Variants in ATP5MJ observed in about 807,000 individuals in gnomAD.
ATP5MJ encodes ATP synthase F(0) complex subunit j, mitochondrial.
A neutral mutation model predicts 8.3 loss-of-function variants in ATP5MJ; 4 were observed. The ratio of observed to expected loss-of-function variants is 0.48; its 90% CI spans 0.24 to 1.11. The LOEUF is 1.11. Among genes scored for constraint, ATP5MJ ranks in the 50% least tolerant of loss-of-function variants. ATP5MJ has a pLI of 0.18. For missense variants in ATP5MJ, 66 were observed against 71.8 expected, an observed-to-expected ratio of 0.92 and a Z score of 0.29; for synonymous variants, 23 against 21.3, an observed-to-expected ratio of 1.08 and a Z score of -0.23.
chr14:103,914,837 C>CAAAAAGGAAA (rs370479683), intron 2 of ATP5MJ: 10 of 191,090 alleles, frequency 5.2e-5, no homozygotes, highest in Middle Eastern at 1.5e-3. Context: ...AGACTGTCTC[C>CAAAAAGGAAA]AAAAAAAAAA....
chr14:103,914,445 AT>A (rs2087606635), intron 2 of ATP5MJ: 1 of 589,206 alleles, frequency 1.7e-6, no homozygotes, highest in African/African-American at 1.9e-5. Context: ...CTTAAAACGA[AT>A]GTAATACCAC....
At position 103,912,485 on chromosome 14, in the gene ATP5MJ, G is replaced by A; in HGVS notation, c.*181C>T. 2 of 673,220 alleles carry A rather than the reference G, an allele frequency of 3.0e-6. No homozygotes were observed. Among genetic ancestry groups the A allele is most frequent in the South Asian group, 1.9e-5 (1 of 52,366 alleles). The allele number at this position is 673,220 out of a possible 1,614,324, so 41.7% of individuals were successfully genotyped here. The stretch of plus-strand genomic sequence containing the variant: ...CCTGACACGCCGGAGGGGCTGAGGG[G>A]GAACACACTGAAAGCAGTACCAGGT... On this transcript the variant is annotated 3_prime_UTR_variant, in exon 4 of 4. Transcript: ENST00000286953.
intron 1 of ATP5MJ, among the ~76,000 whole-genome samples, chr14:103,920,379 G>T (rs998898083): frequency 8.6e-5 from 13 of 150,412 alleles, no homozygotes; most frequent in African/African-American, 3.2e-4. Flanking sequence ...TGATCCGCCC[G>T]CCTCGGCCTC....
chr14:103,920,662 G>A (rs2087669537), intron 1 of ATP5MJ, among the ~76,000 whole-genome samples: 2 of 149,398 alleles, frequency 1.3e-5, no homozygotes, highest in South Asian at 4.2e-4. Flanking sequence ...AGTAGAGACG[G>A]CGTTTCACCA....
intron 1 of ATP5MJ, among the ~76,000 whole-genome samples, chr14:103,917,340 G>A (rs561658438): frequency 6.6e-6 from 1 of 152,262 alleles, no homozygotes; most frequent in South Asian, 2.1e-4. Flanking sequence ...TTAAATGCTT[G>A]TTACATAAAA....
intron 3 of ATP5MJ, chr14:103,913,579 C>G (rs898286726): frequency 6.2e-6 from 2 of 324,580 alleles, no homozygotes; most frequent in Non-Finnish European, 5.5e-6. Context: ...GCACTGCAGT[C>G]CAGCCTGGGC....
chr14:103,920,121 G>C (rs550402094), intron 1 of ATP5MJ, among the ~76,000 whole-genome samples: 1 of 120,258 alleles, frequency 8.3e-6, no homozygotes, highest in South Asian at 2.7e-4. Context: ...CACCGCGTCC[G>C]GCCCCTACTT....
intron 1 of ATP5MJ, among the ~76,000 whole-genome samples, chr14:103,917,345 A>G (rs2087633377): frequency 6.6e-6 from 1 of 152,166 alleles, no homozygotes; most frequent in African/African-American, 2.4e-5. Context: ...TGCTTGTTAC[A>G]TAAAATACCA....
intron 2 of ATP5MJ, chr14:103,914,852 A>G (rs2087611646): frequency 1.3e-5 from 6 of 459,968 alleles, no homozygotes; most frequent in East Asian, 4.3e-5. Context: ...AAAAAAAAAA[A>G]AAAAAGAAAA....
At chr14:103,918,606 C>T (rs113241471) in intron 1 of ATP5MJ, among the ~76,000 whole-genome samples, 4,495 of 151,984 alleles carry the variant, frequency 0.03, 91 homozygotes, top group East Asian at 0.063. Context: ...GTGTTCTGCC[C>T]GCCTCGGCCT....
intron 1 of ATP5MJ, among the ~76,000 whole-genome samples, chr14:103,916,263 T>C (rs2087624940): frequency 6.6e-6 from 1 of 152,248 alleles, no homozygotes; most frequent in Non-Finnish European, 1.5e-5. Flanking sequence ...TGCTTGTATG[T>C]GCAGGTCTCA....
chr14:103,917,033 A>G (rs2087631290), intron 1 of ATP5MJ, among the ~76,000 whole-genome samples: 1 of 152,208 alleles, frequency 6.6e-6, no homozygotes, highest in African/African-American at 2.4e-5. Context: ...CTGAGCATGT[A>G]CTAGGTGCCA....
chr14:103,913,719 T>A, intron 3 of ATP5MJ: 1 of 579,222 alleles, frequency 1.7e-6, no homozygotes, highest in Non-Finnish European at 3.0e-6. Context: ...CTACCTCTAA[T>A]TAATCCATTC....
rs1455992201 is a variant in ATP5MJ at position 103,912,335 on chromosome 14, C to G, written c.*331G>C. On this transcript the variant is annotated 3_prime_UTR_variant, in exon 4 of 4. Transcript: ENST00000286953. ...TAAACGTTTATTGAGCAGTAGAATACAAGTGAGTGCCTGGATCCTGATCAC... is the reference window on the plus strand; with the variant it reads ...TAAACGTTTATTGAGCAGTAGAATAGAAGTGAGTGCCTGGATCCTGATCAC... 1.0e-5 allele frequency: 3 copies of G among 297,318 alleles called. No homozygotes were observed. Among genetic ancestry groups the G allele is most frequent in the Non-Finnish European group, 1.9e-5 (3 of 160,282 alleles). The allele number at this position is 297,318 out of a possible 1,614,324, so 18.4% of individuals were successfully genotyped here.
chr14:103,917,325 G>C (rs2087633212), intron 1 of ATP5MJ, among the ~76,000 whole-genome samples: 1 of 152,178 alleles, frequency 6.6e-6, no homozygotes, highest in African/African-American at 2.4e-5. Context: ...GTCTGGTACT[G>C]TATATTAAAT....
At chr14:103,920,851 T>C in intron 1 of ATP5MJ, 1 of 940,746 alleles carries the variant, frequency 1.1e-6, no homozygotes, top group East Asian at 2.6e-5. Context: ...CTTTTAAAAA[T>C]CCATCTTATT....
chr14:103,913,902 C>G (rs770854322), intron 3 of ATP5MJ, 59 bp downstream of exon 3: 2 of 1,565,770 alleles, frequency 1.3e-6, no homozygotes, highest in Admixed American at 3.4e-5. Flanking sequence ...TATACCTTGT[C>G]CTGAAAAGAC....
At chr14:103,920,763 C>A (rs2087670534) in intron 1 of ATP5MJ, among the ~76,000 whole-genome samples, 1 of 152,194 alleles carries the variant, frequency 6.6e-6, no homozygotes, top group African/African-American at 2.4e-5. Flanking sequence ...AACCACCGCG[C>A]CCGGCCGGCC....
At chr14:103,915,285 A>C (rs555765748) in intron 1 of ATP5MJ, 96 bp from the exon 2 acceptor site, 3 of 1,416,772 alleles carry the variant, frequency 2.1e-6, no homozygotes, top group Non-Finnish European at 2.9e-6. Flanking sequence ...CCCATTTCCC[A>C]TGACTGCTAG....
Sources: allele counts gnomAD v4.1 joint callset (sites outside exome capture counted in the v4.1 genomes callset), GRCh38; gene constraint gnomAD v4.1.1; transcripts MANE v1.5; gene names NCBI Gene and HGNC (gene_info 2026-07-23, HGNC 2026-07-21).